XPO4: variants seen among roughly 807,000 people sequenced by gnomAD.
XPO4 encodes exportin 4.
XPO4 carries 39 observed loss-of-function variants against 143.0 expected under a neutral mutation model. The observed-to-expected ratio is 0.27, with a 90% CI of 0.21 to 0.36. The LOEUF is 0.36. XPO4 is among the 10% of genes least tolerant of loss of function. The pLI is 1.00. For synonymous variants in XPO4, 439 were observed against 474.0 expected, an observed-to-expected ratio of 0.93 and a Z score of 0.96; for missense variants, 907 against 1,348.0, an observed-to-expected ratio of 0.67 and a Z score of 5.12.
At chr13:20,890,218 G>A (rs11839789) in intron 1 of XPO4, among the ~76,000 whole-genome samples, 8,818 of 152,204 alleles carry the variant, frequency 0.058, 634 homozygotes, top group African/African-American at 0.17. Context: ...GAGAGGCTGA[G>A]GTGGGAGGAT....
intron 6 of XPO4, among the ~76,000 whole-genome samples, chr13:20,830,808 T>C (rs2059843668): frequency 6.6e-6 from 1 of 152,170 alleles, no homozygotes; most frequent in South Asian, 2.1e-4. Context: ...CAGACTATGC[T>C]GGCTTTTATA....
At chr13:20,788,746 G>A in intron 19 of XPO4, 130 bp from the exon 20 acceptor site, 1 of 921,350 alleles carries the variant, frequency 1.1e-6, no homozygotes, top group Admixed American at 3.4e-5. Context: ...ACAAGATATA[G>A]AAAACATGAA....
chr13:20,824,848 C>T (rs2059764242), intron 7 of XPO4, among the ~76,000 whole-genome samples: 3 of 152,146 alleles, frequency 2.0e-5, no homozygotes, highest in African/African-American at 7.2e-5. Context: ...ACGAATTCTA[C>T]TGGAACATGT....
intron 1 of XPO4, among the ~76,000 whole-genome samples, chr13:20,871,839 G>C (rs568599098): frequency 7.3e-4 from 110 of 151,224 alleles, no homozygotes; most frequent in African/African-American, 2.5e-3. Context: ...TTAATATAAT[G>C]AAGATGATAT....
intron 7 of XPO4, among the ~76,000 whole-genome samples, chr13:20,824,450 C>A (rs530289570): frequency 2.0e-5 from 3 of 151,898 alleles, no homozygotes; most frequent in Non-Finnish European, 2.9e-5. Context: ...AGAAAGAATA[C>A]CCTCAATGAA....
intron 4 of XPO4, chr13:20,852,624 T>C: frequency 1.0e-6 from 1 of 953,298 alleles, no homozygotes; most frequent in Non-Finnish European, 1.2e-6. Flanking sequence ...GTATATTTGA[T>C]TATAATATTT....
In XPO4 at chr13:20,810,088, A is replaced by G. The variant is rs1187227192; in HGVS notation, c.1174-121T>C. On this transcript the variant is annotated intron_variant, in intron 9 of 22. Transcript: ENST00000255305. ...CTTTAACAGAGCTTCCCAATTATTGATAAGTTTTTATTGAACTTTCTAAAA... is the reference window on the plus strand; with the variant it reads ...CTTTAACAGAGCTTCCCAATTATTGGTAAGTTTTTATTGAACTTTCTAAAA... 12 of 759,758 alleles carry G rather than the reference A, an allele frequency of 1.6e-5. No homozygotes were observed. The East Asian group carries it at 2.4e-4, about 15-fold the overall frequency. The allele number at this position is 759,758 out of a possible 1,614,324, so 47.1% of individuals were successfully genotyped here. A position where few individuals can be genotyped will look rare whatever the true frequency, so the allele number is the denominator to read the frequency against.
At position 20,859,692 on chromosome 13, in the gene XPO4, G is replaced by A. The variant is rs112221913; in HGVS notation, c.317+3025C>T. Reference sequence around the variant, plus strand: ...CTCGGGAGGCTGGGGCAGGAGAATCGCATGAACCCAGGAGGCGGATGTTGC... The same window carrying A: ...CTCGGGAGGCTGGGGCAGGAGAATCACATGAACCCAGGAGGCGGATGTTGC... On this transcript the variant is annotated intron_variant, in intron 3 of 22. Transcript: ENST00000255305. The A allele has an allele frequency of 2.6e-3, 525 of 198,126 alleles. 2 individuals are homozygous for A. The highest frequency in any genetic ancestry group is 3.8e-3 in the Non-Finnish European group (423 of 110,528). The allele number at this position is 198,126 out of a possible 1,614,324, so 12.3% of individuals were successfully genotyped here.
intron 4 of XPO4, chr13:20,850,144 C>T (rs921393686): frequency 2.0e-6 from 2 of 984,988 alleles, no homozygotes; most frequent in Non-Finnish European, 2.4e-6. Context: ...TCACTCATAG[C>T]ATAAACATTT....
At chr13:20,828,252 C>CA (rs1357238214) in intron 6 of XPO4, among the ~76,000 whole-genome samples, 1 of 151,656 alleles carries the variant, frequency 6.6e-6, no homozygotes, top group African/African-American at 2.4e-5. Context: ...AACAAACAAA[C>CA]AAACAAAAAA....
rs761052823 is a variant in XPO4 at position 20,787,090 on chromosome 13, T to A, written c.3166-33A>T. The A allele has an allele frequency of 2.6e-6, 4 of 1,535,598 alleles. No homozygotes were observed. The African/African-American group carries it at 4.1e-5, about 16-fold the overall frequency. On this transcript the variant is annotated intron_variant, in intron 21 of 22. Coordinates refer to ENST00000255305, the MANE Select transcript of XPO4 (RefSeq NM_022459.5). ...TACATAAGACTTCTAAATAAAAACA[T>A]AGGATGATCATATATCCTCCAGTCC...
At chr13:20,787,975 G>C (rs535097734) in intron 20 of XPO4, among the ~76,000 whole-genome samples, 174 of 152,232 alleles carry the variant, frequency 1.1e-3, no homozygotes, top group African/African-American at 3.9e-3. Flanking sequence ...AGAGATCTAT[G>C]AAAGGAGGAC....
At chr13:20,892,463 T>C (rs1371435887) in intron 1 of XPO4, among the ~76,000 whole-genome samples, 1 of 152,162 alleles carries the variant, frequency 6.6e-6, no homozygotes, top group Non-Finnish European at 1.5e-5. Context: ...TCTATTTCCC[T>C]AGTCTCATTT....
chr13:20,875,034 G>C (rs1318933159), intron 1 of XPO4, among the ~76,000 whole-genome samples: 1 of 152,074 alleles, frequency 6.6e-6, no homozygotes, highest in Non-Finnish European at 1.5e-5. Context: ...CCAGTTTGTA[G>C]TATTCTGTTA....
intron 1 of XPO4, among the ~76,000 whole-genome samples, chr13:20,898,835 A>C (rs2060593165): frequency 6.6e-6 from 1 of 152,180 alleles, no homozygotes; most frequent in South Asian, 2.1e-4. Context: ...ACATTTTAGT[A>C]TACAAGAGGA....
chr13:20,789,785 T>C (rs2059255562), intron 19 of XPO4, among the ~76,000 whole-genome samples: 1 of 152,106 alleles, frequency 6.6e-6, no homozygotes, highest in Admixed American at 6.5e-5. Flanking sequence ...TGCATGCACA[T>C]GTGCACATAC....
At chr13:20,891,990 G>A (rs976733551) in intron 1 of XPO4, among the ~76,000 whole-genome samples, 1 of 151,662 alleles carries the variant, frequency 6.6e-6, no homozygotes, top group Non-Finnish European at 1.5e-5. Context: ...GCTGCCAGTC[G>A]AACATCAAAA....
chr13:20,858,827 C>CA (rs1267834274), intron 3 of XPO4, among the ~76,000 whole-genome samples: 3 of 151,450 alleles, frequency 2.0e-5, no homozygotes, highest in African/African-American at 7.3e-5. Flanking sequence ...GCCAAGATTG[C>CA]GCCATTGCAC....
chr13:20,902,127 C>T lies in XPO4; in HGVS notation c.69+543G>A, dbSNP rs1000304065. 1.6e-5 allele frequency: 16 copies of T among 985,406 alleles called. No individual in the cohort carries two copies. In the African/African-American group the frequency reaches 2.6e-4, roughly 16 times the overall value. 61.0% of individuals were successfully genotyped at this position (985,406 alleles called of 1,614,324 possible). On this transcript the variant is annotated intron_variant, in intron 1 of 22. Transcript: ENST00000255305. ...TTGGTCTCAACGATTCCCCTCCCTC[C>T]CTCCAGCCGGCCCGGCCCTTCCACG...
Sources: allele counts gnomAD v4.1 joint callset (sites outside exome capture counted in the v4.1 genomes callset), GRCh38; gene constraint gnomAD v4.1.1; transcripts MANE v1.5; gene names NCBI Gene and HGNC (gene_info 2026-07-23, HGNC 2026-07-21).